Variants in TRPM6 observed in about 807,000 individuals in gnomAD.
TRPM6 encodes channel kinase 2.
Under a neutral mutation model 247.6 loss-of-function variants are expected in TRPM6, and 111 were observed. The observed-to-expected ratio is 0.45, with a 90% CI of 0.38 to 0.52. TRPM6 has a LOEUF of 0.52. TRPM6 is among the 20% of genes least tolerant of loss of function. The pLI, the probability that TRPM6 is intolerant of heterozygous loss-of-function variation, is 0.00. For synonymous variants in TRPM6, 892 were observed against 853.8 expected, an observed-to-expected ratio of 1.04 and a Z score of -0.78; for missense variants, 2,126 against 2,421.5, an observed-to-expected ratio of 0.88 and a Z score of 2.56.
At chr9:74,830,636 G>A (rs1433239530) in intron 6 of TRPM6, among the ~76,000 whole-genome samples, 1 of 151,918 alleles carries the variant, frequency 6.6e-6, no homozygotes, top group Non-Finnish European at 1.5e-5. Flanking sequence ...GAGTGCAGTG[G>A]TGCAATCACA....
rs116477432 is a variant in TRPM6 at position 74,799,867 on chromosome 9, C to A, written c.2238+387G>T. ...AGATTCCTCTGGGAAGACCCCAGAT[C>A]TTCTGTGAGAATCAAATATATTAAC... On this transcript the variant is annotated intron_variant, in intron 17 of 38. Coordinates refer to ENST00000360774, the MANE Select transcript of TRPM6 (RefSeq NM_017662.5). The A allele has an allele frequency of 1.8e-5, 5 of 283,910 alleles. No individual in the cohort carries two copies. In the East Asian group the frequency reaches 3.5e-4, roughly 20 times the overall value. 17.6% of individuals were successfully genotyped at this position (283,910 alleles called of 1,614,324 possible).
chr9:74,887,609 G>GC, intron 1 of TRPM6: 1 of 1,536,386 alleles, frequency 6.5e-7, no homozygotes. Context: ...TGCGGGACCT[G>GC]CCCTGTAGTA....
chr9:74,810,956 T>C (rs1020681023), intron 12 of TRPM6, 88 bp from the exon 13 acceptor site: 3 of 992,736 alleles, frequency 3.0e-6, no homozygotes, highest in African/African-American at 3.2e-5. Flanking sequence ...CATAAGTAAC[T>C]GAGAATACTG....
intron 6 of TRPM6, among the ~76,000 whole-genome samples, chr9:74,830,534 C>G (rs1217821802): frequency 6.6e-6 from 1 of 151,824 alleles, no homozygotes; most frequent in East Asian, 1.9e-4. Context: ...TAGCTAAGAT[C>G]ACAGGCACAT....
At chr9:74,775,376 A>G (rs1199430555) in intron 24 of TRPM6, among the ~76,000 whole-genome samples, 2 of 152,160 alleles carry the variant, frequency 1.3e-5, no homozygotes, top group Non-Finnish European at 2.9e-5. Context: ...GTTCTTGAAA[A>G]TAAGAAACAT....
chr9:74,850,480 G>A (rs932674988), intron 3 of TRPM6, among the ~76,000 whole-genome samples: 4 of 152,036 alleles, frequency 2.6e-5, no homozygotes, highest in African/African-American at 9.7e-5. Context: ...ACCACTTTGG[G>A]AGGCTGAGGT....
intron 1 of TRPM6, among the ~76,000 whole-genome samples, chr9:74,875,889 C>A: frequency 6.6e-6 from 1 of 152,254 alleles, no homozygotes; most frequent in South Asian, 2.1e-4. Flanking sequence ...CTGTAAAGTA[C>A]CCTGTAAACT....
chr9:74,774,903 T>G (rs1450267398), intron 24 of TRPM6, among the ~76,000 whole-genome samples: 1 of 152,202 alleles, frequency 6.6e-6, no homozygotes, highest in Admixed American at 6.5e-5. Context: ...TTCCCCAATT[T>G]GTGAAGAAAA....
intron 1 of TRPM6, chr9:74,875,176 A>T (rs1587606095): frequency 2.3e-6 from 1 of 441,342 alleles, no homozygotes; most frequent in Non-Finnish European, 4.6e-6. Context: ...TGCAGGTCAG[A>T]CAACAAAACT....
chr9:74,730,948 C>A (rs1049275935), intron 37 of TRPM6, among the ~76,000 whole-genome samples: 1 of 152,028 alleles, frequency 6.6e-6, no homozygotes, highest in Non-Finnish European at 1.5e-5. Flanking sequence ...TAAAGTTGCC[C>A]TAAGACAGAG....
chr9:74,782,638 G>A (rs1827503559), intron 22 of TRPM6, 41 bp downstream of exon 22: 1 of 1,604,646 alleles, frequency 6.2e-7, no homozygotes. Flanking sequence ...TGTTAACTAT[G>A]AAGGCACAAT....
chr9:74,879,384 C>A (rs773161696), intron 1 of TRPM6, among the ~76,000 whole-genome samples: 1 of 151,284 alleles, frequency 6.6e-6, no homozygotes, highest in Non-Finnish European at 1.5e-5. Context: ...TATAAAGGAA[C>A]CATGGATATA....
At chr9:74,775,740 C>T in intron 24 of TRPM6, 143 bp downstream of exon 24, 2 of 855,202 alleles carry the variant, frequency 2.3e-6, no homozygotes, top group Non-Finnish European at 3.9e-6. Context: ...TTACTCAGAC[C>T]CAGAGCATCA....
chr9:74,797,328 A>T (rs768694321), intron 17 of TRPM6, among the ~76,000 whole-genome samples: 7 of 152,238 alleles, frequency 4.6e-5, no homozygotes, highest in Admixed American at 2.0e-4. Flanking sequence ...GATTGGAGCC[A>T]GGACACCCCT....
intron 24 of TRPM6, 90 bp downstream of exon 24, chr9:74,775,793 C>T: frequency 1.5e-6 from 2 of 1,342,574 alleles, no homozygotes; most frequent in Non-Finnish European, 2.1e-6. Flanking sequence ...CCCCACAGTG[C>T]CCTGAACTTA....
At chr9:74,887,735 C>T in intron 1 of TRPM6, 89 bp downstream of exon 1, 1 of 1,613,546 alleles carries the variant, frequency 6.2e-7, no homozygotes, top group South Asian at 1.1e-5. Context: ...TGTCCCTGGC[C>T]CCACCCACTT....
In TRPM6 at chr9:74,728,291, G is replaced by C; in HGVS notation, c.5883C>G (p.Asn1961Lys). 1 of 1,614,134 alleles carries C rather than the reference G, an allele frequency of 6.2e-7. No homozygotes were observed. The highest frequency in any genetic ancestry group is 8.5e-7 in the Non-Finnish European group (1 of 1,180,008). The change falls in exon 38 of 39, where the codon AAC becomes AAG. Residue 1961 changes from asparagine (N) to lysine (K), a missense_variant. Around this residue, in one of 3 missense-constraint regions of TRPM6, gnomAD observed 327 missense variants for 397.7 expected, o/e 0.82. Coordinates refer to ENST00000360774, the MANE Select transcript of TRPM6 (RefSeq NM_017662.5). ...AGTTACAATGATGTTTTGCAATGAA[G>C]TTTCTAATTGCATCTTCCCCCAAAT... Reference protein sequence around the residue: ...PANLGEDAIRNFIAKHHCNSC... With the variant: ...PANLGEDAIRKFIAKHHCNSC...
intron 13 of TRPM6, among the ~76,000 whole-genome samples, chr9:74,808,927 A>G (rs1373821298): frequency 6.6e-6 from 1 of 152,234 alleles, no homozygotes; most frequent in Non-Finnish European, 1.5e-5. Flanking sequence ...CTTTGTGTCT[A>G]TAATCCACTT....
chr9:74,852,454 C>G (rs1830358376), intron 3 of TRPM6, among the ~76,000 whole-genome samples: 1 of 70,564 alleles, frequency 1.4e-5, no homozygotes, highest in African/African-American at 3.5e-5. Flanking sequence ...CCCCCTCCTC[C>G]CTCTCCCTCT....
Sources: allele counts gnomAD v4.1 joint callset (sites outside exome capture counted in the v4.1 genomes callset), GRCh38; gene constraint gnomAD v4.1.1; regional missense constraint gnomAD v4.1.1; transcripts MANE v1.5; gene names NCBI Gene and HGNC (gene_info 2026-07-23, HGNC 2026-07-21).